The following KCNIP4 variants were observed in gnomAD, a reference collection of about 807,000 sequenced individuals.
KCNIP4 encodes the protein potassium voltage-gated channel interacting protein 4.
A neutral mutation model predicts 34.0 loss-of-function variants in KCNIP4; 12 were observed. The observed-to-expected ratio is 0.35, with a 90% CI of 0.23 to 0.57. KCNIP4 has a LOEUF of 0.57. Ranked by LOEUF, KCNIP4 falls within the 20% of genes least tolerant of loss-of-function variation. The pLI is 0.83. For synonymous variants in KCNIP4, 124 were observed against 102.2 expected (o/e 1.21, Z -1.29); for missense variants, 238 against 311.7 (o/e 0.76, Z 1.78).
intron 1 of KCNIP4, among the ~76,000 whole-genome samples, chr4:20,971,949 A>T (rs1281303986): frequency 1.3e-5 from 2 of 152,222 alleles, no homozygotes; most frequent in Admixed American, 1.3e-4. Context: ...CAATTGAATG[A>T]TGTTCATAGC....
chr4:21,880,083 T>C (rs1386696934), intron 1 of KCNIP4, among the ~76,000 whole-genome samples: 2 of 152,164 alleles, frequency 1.3e-5, no homozygotes, highest in Non-Finnish European at 2.9e-5. Context: ...CTCAGGTATG[T>C]CTTATTAGCG....
intron 1 of KCNIP4, among the ~76,000 whole-genome samples, chr4:21,698,061 G>A (rs943790520): frequency 3.3e-5 from 5 of 152,130 alleles, no homozygotes; most frequent in Non-Finnish European, 7.4e-5. Context: ...ATCAGATTCA[G>A]GAAGGCTACA....
rs190901363 is a variant in KCNIP4, at chr4:21,282,940, C to A, written c.62-400231G>T. Reference sequence around the variant, plus strand: ...CCAAAAAGTGAGAACACCCAAATCTCCGTCAACTGCTGAATGGTTAAACAC... The same window carrying A: ...CCAAAAAGTGAGAACACCCAAATCTACGTCAACTGCTGAATGGTTAAACAC... On this transcript the variant is annotated intron_variant, in intron 1 of 8. Transcript: ENST00000382152. 1.9e-3 allele frequency among the ~76,000 whole-genome samples: 285 copies of A among 152,268 alleles called. 3 individuals are homozygous for A. The highest frequency in any genetic ancestry group is 6.4e-3 in the African/African-American group (266 of 41,548).
chr4:20,914,414 G>T (rs763093994), intron 1 of KCNIP4, among the ~76,000 whole-genome samples: 1 of 151,984 alleles, frequency 6.6e-6, no homozygotes, highest in African/African-American at 2.4e-5. Flanking sequence ...GAGAGCTCCC[G>T]CATCCCTTTT....
At chr4:21,439,934 C>T (rs1360847730) in intron 1 of KCNIP4, among the ~76,000 whole-genome samples, 1 of 152,206 alleles carries the variant, frequency 6.6e-6, no homozygotes, top group Non-Finnish European at 1.5e-5. Context: ...AGTCCATCTA[C>T]TCCACTTTAT....
At chr4:21,391,321 C>A (rs939834066) in intron 1 of KCNIP4, among the ~76,000 whole-genome samples, 19 of 151,202 alleles carry the variant, frequency 1.3e-4, no homozygotes, top group African/African-American at 4.4e-4. Flanking sequence ...TCAAGATCAG[C>A]ATAAAAAGGA....
chr4:20,815,415 T>G (rs145564583), intron 3 of KCNIP4, among the ~76,000 whole-genome samples: 92 of 152,258 alleles, frequency 6.0e-4, no homozygotes, highest in African/African-American at 2.1e-3. Context: ...TGTCCCATGT[T>G]ATTACTCAGA....
chr4:21,674,490 A>G (rs1749739587), intron 1 of KCNIP4, among the ~76,000 whole-genome samples: 1 of 152,182 alleles, frequency 6.6e-6, no homozygotes, highest in Non-Finnish European at 1.5e-5. Flanking sequence ...AATTGCTTTG[A>G]ATATTACATC....
At chr4:20,943,224 A>T (rs1298199622) in intron 1 of KCNIP4, among the ~76,000 whole-genome samples, 1 of 152,138 alleles carries the variant, frequency 6.6e-6, no homozygotes, top group African/African-American at 2.4e-5. Flanking sequence ...GTGATGCTAT[A>T]ATGGTCTCTG....
intron 1 of KCNIP4, among the ~76,000 whole-genome samples, chr4:21,172,278 G>A (rs961795208): frequency 1.3e-4 from 20 of 152,012 alleles, no homozygotes; most frequent in South Asian, 4.1e-4. Context: ...GCAATCCGCC[G>A]GCCTTGACCT....
At position 21,833,644 on chromosome 4, in the gene KCNIP4, T is replaced by G. The variant is rs930448271; in HGVS notation, c.61+114927A>C. Among the ~76,000 whole-genome samples the G allele has an allele frequency of 9.8e-4, 149 of 152,224 alleles. 1 individual carries two copies. The highest frequency in any genetic ancestry group is 2.6e-3 in the Admixed American group (40 of 15,292). ...GCTTTTGTTGCCATTGCTTTTGGTG[T>G]TTTAGACACGAAGTCCTTGCCCATG... On this transcript the variant is annotated intron_variant, in intron 1 of 8. Transcript: ENST00000382152.
intron 1 of KCNIP4, among the ~76,000 whole-genome samples, chr4:21,301,104 A>G (rs1215742765): frequency 6.6e-6 from 1 of 152,180 alleles, no homozygotes; most frequent in Non-Finnish European, 1.5e-5. Context: ...ATTCATGAAT[A>G]TCACACATAG....
chr4:20,784,935 G>A (rs952726895), intron 3 of KCNIP4, among the ~76,000 whole-genome samples: 4 of 152,166 alleles, frequency 2.6e-5, no homozygotes, highest in Non-Finnish European at 4.4e-5. Flanking sequence ...TGAAATAAGG[G>A]AAGGGCATTC....
At chr4:21,174,711 C>A (rs1754269763) in intron 1 of KCNIP4, among the ~76,000 whole-genome samples, 1 of 151,940 alleles carries the variant, frequency 6.6e-6, no homozygotes, top group Non-Finnish European at 1.5e-5. Flanking sequence ...TCAAGACCAG[C>A]CTGGCCAACA....
intron 1 of KCNIP4, among the ~76,000 whole-genome samples, chr4:21,380,359 T>G (rs1438664232): frequency 6.6e-6 from 1 of 150,958 alleles, no homozygotes; most frequent in East Asian, 2.0e-4. Flanking sequence ...AAAATACAAT[T>G]TTCCTGTCTT....
intron 1 of KCNIP4, among the ~76,000 whole-genome samples, chr4:21,318,336 T>C (rs1454739411): frequency 6.6e-6 from 1 of 152,176 alleles, no homozygotes; most frequent in Non-Finnish European, 1.5e-5. Flanking sequence ...TTACATTACC[T>C]GGAATAATTG....
chr4:21,471,169 C>G (rs943592835), intron 1 of KCNIP4, among the ~76,000 whole-genome samples: 14 of 152,114 alleles, frequency 9.2e-5, no homozygotes, highest in Non-Finnish European at 2.1e-4. Context: ...TTGGCAAGTA[C>G]TCTCTGTGGC....
intron 1 of KCNIP4, among the ~76,000 whole-genome samples, chr4:21,391,775 T>C (rs1199940119): frequency 6.6e-6 from 1 of 152,318 alleles, no homozygotes; most frequent in Non-Finnish European, 1.5e-5. Flanking sequence ...TAAATTCTTC[T>C]TGTCCCCTGC....
chr4:21,519,809 ATG>A lies in KCNIP4; in HGVS notation c.61+428760_61+428761del, dbSNP rs555774512. On this transcript the variant is annotated intron_variant, in intron 1 of 8. Coordinates refer to ENST00000382152, the MANE Select transcript of KCNIP4 (RefSeq NM_025221.6). Reference sequence around the variant, plus strand: ...TATGTGTGTGTATACACGTGTGTGTATGTGTGTGTATACACACGTGTGTGTAT... The same window carrying A: ...TATGTGTGTGTATACACGTGTGTGTATGTGTGTATACACACGTGTGTGTAT... 3.4e-3 allele frequency among the ~76,000 whole-genome samples: 454 copies of A among 132,270 alleles called. 7 individuals are homozygous for A. Among genetic ancestry groups the A allele is most frequent in the South Asian group, 0.012 (45 of 3,884 alleles). 86.8% of individuals were successfully genotyped at this position (132,270 alleles called of 152,430 possible). A position where few individuals can be genotyped will look rare whatever the true frequency, so the allele number is the denominator to read the frequency against.
Sources: gnomAD v4.1 joint callset for allele counts (sites outside exome capture counted in the v4.1 genomes callset) on GRCh38, gnomAD v4.1.1 for gene constraint, MANE v1.5 for transcripts, NCBI Gene and HGNC (gene_info 2026-07-23, HGNC 2026-07-21) for gene names.